Variants in ACSM6 observed in about 807,000 individuals in gnomAD.
ACSM6 encodes the protein acyl-CoA synthetase medium chain family member 6, also known as acyl-coenzyme A synthetase ACSM6, mitochondrial.
Under a neutral mutation model 51.1 loss-of-function variants are expected in ACSM6, and 35 were observed. The ratio of observed to expected loss-of-function variants is 0.69; its 90% CI spans 0.52 to 0.91. ACSM6 has a LOEUF of 0.91. ACSM6 is among the 40% of genes least tolerant of loss of function. The pLI, the probability that ACSM6 is intolerant of heterozygous loss-of-function variation, is 0.00. For missense variants in ACSM6, 509 were observed against 584.1 expected (o/e 0.87, Z 1.32); for synonymous variants, 172 against 207.3 (o/e 0.83, Z 1.46).
chr10:95,215,457 CA>C (rs2034934980), intron 8 of ACSM6, among the ~76,000 whole-genome samples: 2 of 152,152 alleles, frequency 1.3e-5, no homozygotes, highest in Admixed American at 6.6e-5. Context: ...CTCTAAAACA[CA>C]GATGAAAAGC....
At chr10:95,220,112 T>C in intron 9 of ACSM6, 141 bp downstream of exon 9, 1 of 661,670 alleles carries the variant, frequency 1.5e-6, no homozygotes, top group Non-Finnish European at 2.6e-6. Flanking sequence ...CTCACATTAT[T>C]GCTTTTATTT....
At chr10:95,196,014 G>A (rs932829393) in intron 2 of ACSM6, among the ~76,000 whole-genome samples, 1 of 147,128 alleles carries the variant, frequency 6.8e-6, no homozygotes, top group Admixed American at 6.7e-5. Flanking sequence ...CACCCATTCT[G>A]CCTTCCCAGC....
intron 5 of ACSM6, among the ~76,000 whole-genome samples, chr10:95,211,215 A>C (rs888563839): frequency 1.3e-5 from 2 of 152,220 alleles, no homozygotes; most frequent in African/African-American, 4.8e-5. Flanking sequence ...ACATGTCATC[A>C]CACCACCCCT....
intron 4 of ACSM6, among the ~76,000 whole-genome samples, chr10:95,210,131 A>C (rs1034001048): frequency 6.6e-6 from 1 of 152,172 alleles, no homozygotes; most frequent in Non-Finnish European, 1.5e-5. Flanking sequence ...CATTTCACTA[A>C]AATATTATTT....
intron 2 of ACSM6, chr10:95,201,436 C>T (rs747187353): frequency 4.4e-6 from 2 of 453,990 alleles, no homozygotes; most frequent in Non-Finnish European, 8.8e-6. Flanking sequence ...AGTTATTTCC[C>T]ATAGGATAAT....
chr10:95,203,274 T>G (rs907104606), intron 3 of ACSM6, among the ~76,000 whole-genome samples: 4 of 152,308 alleles, frequency 2.6e-5, no homozygotes, highest in African/African-American at 9.6e-5. Flanking sequence ...GACTCTCTAG[T>G]TGCAGAAAAG....
At chr10:95,218,861 A>T (rs1177012810) in intron 8 of ACSM6, among the ~76,000 whole-genome samples, 1 of 137,112 alleles carries the variant, frequency 7.3e-6, no homozygotes, top group African/African-American at 2.7e-5. Flanking sequence ...GGCCATCCTC[A>T]AAAACATTCA....
chr10:95,201,472 G>A (rs1171460817), intron 2 of ACSM6: 2 of 455,546 alleles, frequency 4.4e-6, no homozygotes, highest in Non-Finnish European at 8.8e-6. Context: ...CCATGTTGCT[G>A]CAAAAGACAG....
rs375814985 is a variant in ACSM6, at chr10:95,222,788, TAAC to T, written c.1201-2497_1201-2495del. On this transcript the variant is annotated intron_variant, in intron 9 of 10. Transcript: ENST00000341686. Reference sequence around the variant, plus strand: ...TACTGTACAGCATAATGCCAACAGTTAACAACACTGTATTACATACTTAAAATC... The same window carrying T: ...TACTGTACAGCATAATGCCAACAGTTAACACTGTATTACATACTTAAAATC... 7.6e-4 allele frequency among the ~76,000 whole-genome samples: 110 copies of T among 145,164 alleles called. 1 individual carries two copies. The East Asian group carries it at 0.02, about 26-fold the overall frequency.
intron 10 of ACSM6, among the ~76,000 whole-genome samples, chr10:95,227,794 G>A (rs2035054271): frequency 1.3e-5 from 2 of 152,194 alleles, no homozygotes; most frequent in Admixed American, 6.5e-5. Context: ...CTGGCCGGGC[G>A]CGGTGGCTCA....
intron 5 of ACSM6, 71 bp from the exon 6 acceptor site, chr10:95,211,807 A>G (rs2034895869): frequency 1.4e-6 from 2 of 1,450,408 alleles, no homozygotes; most frequent in South Asian, 1.4e-5. Flanking sequence ...AGGGCTTGAT[A>G]ATAGCAAGTA....
intron 4 of ACSM6, among the ~76,000 whole-genome samples, chr10:95,208,375 G>T (rs1443312731): frequency 2.6e-5 from 4 of 152,094 alleles, no homozygotes; most frequent in African/African-American, 9.7e-5. Context: ...TGGGTACAAG[G>T]TACACCATTT....
intron 6 of ACSM6, among the ~76,000 whole-genome samples, chr10:95,212,334 C>G (rs1024025635): frequency 6.6e-6 from 1 of 152,166 alleles, no homozygotes; most frequent in African/African-American, 2.4e-5. Flanking sequence ...TACTTACTGG[C>G]ACTTCATATG....
At chr10:95,200,003 T>TA (rs1461275483) in intron 2 of ACSM6, among the ~76,000 whole-genome samples, 1 of 152,188 alleles carries the variant, frequency 6.6e-6, no homozygotes, top group Non-Finnish European at 1.5e-5. Context: ...CATTACTGGG[T>TA]ATATACCCAA....
chr10:95,215,740 A>C (rs866764486), intron 8 of ACSM6, among the ~76,000 whole-genome samples: 13 of 152,344 alleles, frequency 8.5e-5, no homozygotes, highest in Middle Eastern at 6.8e-3. Flanking sequence ...TGAGTGGCTT[A>C]AACAACCAAA....
intron 10 of ACSM6, chr10:95,226,183 TGA>T (rs1434935700): frequency 4.6e-5 from 7 of 152,232 alleles, no homozygotes; most frequent in Non-Finnish European, 1.0e-4. Flanking sequence ...TGTAACAATT[TGA>T]GACTCTGTAA....
At chr10:95,200,712 G>A (rs2034786415) in intron 2 of ACSM6, among the ~76,000 whole-genome samples, 3 of 151,668 alleles carry the variant, frequency 2.0e-5, no homozygotes, top group Admixed American at 1.3e-4. Flanking sequence ...GCAAGAGAAA[G>A]AGATAAAAGG....
exon 8 of ACSM6, chr10:95,214,942 G>A (rs758591077): frequency 1.3e-6 from 2 of 1,551,556 alleles, no homozygotes; most frequent in South Asian, 2.4e-5. Context: ...TCACTAAGTT[G>A]GACATCTATG....
intron 8 of ACSM6, among the ~76,000 whole-genome samples, 181 bp downstream of exon 8, chr10:95,215,156 C>G (rs1393183906): frequency 1.3e-5 from 2 of 152,196 alleles, no homozygotes; most frequent in Non-Finnish European, 2.9e-5. Context: ...ATTACAGGTA[C>G]AGATAACTTA....
Sources: allele counts gnomAD v4.1 joint callset (sites outside exome capture counted in the v4.1 genomes callset), GRCh38; gene constraint gnomAD v4.1.1; transcripts MANE v1.5; gene names NCBI Gene and HGNC (gene_info 2026-07-23, HGNC 2026-07-21).